SKOR1: variants seen among roughly 807,000 people sequenced by gnomAD.
The protein encoded by SKOR1 is SKI family transcriptional corepressor 1.
Under a neutral mutation model 72.4 loss-of-function variants are expected in SKOR1, and 38 were observed. That is an observed-to-expected ratio of 0.52 (90% CI 0.40 to 0.69). The LOEUF is 0.69. Ranked by LOEUF, SKOR1 falls within the 30% of genes least tolerant of loss-of-function variation. The pLI is 0.00. For synonymous variants in SKOR1, 642 were observed against 599.4 expected, an observed-to-expected ratio of 1.07 and a Z score of -1.04; for missense variants, 1,320 against 1,343.2, an observed-to-expected ratio of 0.98 and a Z score of 0.27.
Position 67,825,843 on chromosome 15 carries a change from G to A in SKOR1, c.108-93G>A. Reference sequence around the variant, plus strand: ...CTCCCCACTGCCAAGTATCCCCCGCGCGCCCAACTCGGAGCGCCCTGCTGG... The same window carrying A: ...CTCCCCACTGCCAAGTATCCCCCGCACGCCCAACTCGGAGCGCCCTGCTGG... On this transcript the variant is annotated intron_variant, in intron 1 of 8. Transcript: ENST00000380035. The surrounding 1 kb of genome is among the most constrained non-coding windows in gnomAD (Gnocchi z 5.6). The A allele has an allele frequency of 2.0e-6, 3 of 1,515,364 alleles. No individual in the cohort carries two copies. The highest frequency in any genetic ancestry group is 2.6e-5 in the South Asian group (2 of 76,434). 93.9% of individuals were successfully genotyped at this position (1,515,364 alleles called of 1,614,324 possible).
rs201807433 is a variant in SKOR1 at position 67,831,906 on chromosome 15, G to C, written c.2588-368G>C. ...TTATATTGAAAGGGCGGCGGTGCGG[G>C]GGGGGGAGGTCGGGGCCGGGGCGGG... On this transcript the variant is annotated intron_variant, in intron 5 of 8. Transcript: ENST00000380035. Among the ~76,000 whole-genome samples the C allele has an allele frequency of 5.8e-3, 515 of 88,568 alleles. 19 individuals are homozygous for C. Among genetic ancestry groups the C allele is most frequent in the African/African-American group, 0.018 (445 of 24,896 alleles). 58.1% of individuals were successfully genotyped at this position (88,568 alleles called of 152,430 possible). A position where few individuals can be genotyped will look rare whatever the true frequency, so the allele number is the denominator to read the frequency against.
In SKOR1 at chr15:67,832,621, C is replaced by A. The variant is rs577995745; in HGVS notation, c.2677C>A (p.Gln893Lys). 3.6e-5 allele frequency: 58 copies of A among 1,613,894 alleles called. 1 individual carries two copies. In the South Asian group the frequency reaches 6.2e-4, roughly 17 times the overall value. ...AATTTGCACAGATAATTTTCAGGATCAAATGAAGAGGGAATTGGCTTATCG... is the reference window on the plus strand; with the variant it reads ...AATTTGCACAGATAATTTTCAGGATAAAATGAAGAGGGAATTGGCTTATCG... ...FQSLKDNFQD[Q>K]MKRELAYREE... Residue 893 changes from glutamine to lysine, a missense_variant, in exon 7 of 9, where the codon CAA becomes AAA. By Grantham distance (53) the Gln-to-Lys change is moderately conservative. Transcript: ENST00000380035. This position sits in a 1 kb window ranked among gnomAD's most constrained non-coding sequence, Gnocchi z 4.5.
At position 67,833,388 on chromosome 15, in the gene SKOR1, T is replaced by G; in HGVS notation, c.2803+131T>G. ...GATCAGGATCTGTGAGGGAGAAAAG[T>G]GGGAACTGATTTTAACGGGAAGATT... is the stretch of plus-strand genomic sequence containing the variant. On this transcript the variant is annotated intron_variant, in intron 8 of 8. Coordinates refer to ENST00000380035, the MANE Select transcript of SKOR1 (RefSeq NM_001365915.1). The surrounding 1 kb of genome is among the most constrained non-coding windows in gnomAD (Gnocchi z 6.0). 1 of 974,872 alleles carries G rather than the reference T, an allele frequency of 1.0e-6. No homozygotes were observed. The highest frequency in any genetic ancestry group is 1.6e-6 in the Non-Finnish European group (1 of 620,514). The allele number at this position is 974,872 out of a possible 1,614,324, so 60.4% of individuals were successfully genotyped here.
In SKOR1 at chr15:67,825,540, C is replaced by T. The variant is rs999900241; in HGVS notation, c.-63C>T. The T allele has an allele frequency of 1.8e-4, 132 of 720,168 alleles. 2 individuals are homozygous for T. The highest frequency in any genetic ancestry group is 1.4e-4 in the Non-Finnish European group (54 of 386,500). 44.6% of individuals were successfully genotyped at this position (720,168 alleles called of 1,614,324 possible). On this transcript the variant is annotated 5_prime_UTR_variant, in exon 1 of 9. Coordinates refer to ENST00000380035, the MANE Select transcript of SKOR1 (RefSeq NM_001365915.1). This position sits in a 1 kb window ranked among gnomAD's most constrained non-coding sequence, Gnocchi z 5.6. ...CGGGCTTCAGGACCCGGGCCGGCAG[C>T]ACCGGCTGCGAGGGTTGCCGAAGGC...
At chr15:67,829,399 T>A in intron 3 of SKOR1, 130 bp downstream of exon 3, 1 of 816,036 alleles carries the variant, frequency 1.2e-6, no homozygotes, top group East Asian at 2.7e-5. Context: ...AGAAAAATAA[T>A]GAAAACAAGG....
rs549463574 is a variant in SKOR1 at position 67,825,870 on chromosome 15, C to A, written c.108-66C>A. The A allele has an allele frequency of 6.6e-7, 1 of 1,510,210 alleles. No individual in the cohort carries two copies. Among genetic ancestry groups the A allele is most frequent in the South Asian group, 1.3e-5 (1 of 75,502 alleles). 93.6% of individuals were successfully genotyped at this position (1,510,210 alleles called of 1,614,324 possible). A position where few individuals can be genotyped will look rare whatever the true frequency, so the allele number is the denominator to read the frequency against. ...GCCCAACTCGGAGCGCCCTGCTGGGCGGGCCCGAGCCTCGGCGGCGGCGCT... is the reference window on the plus strand; with the variant it reads ...GCCCAACTCGGAGCGCCCTGCTGGGAGGGCCCGAGCCTCGGCGGCGGCGCT... On this transcript the variant is annotated intron_variant, in intron 1 of 8. Transcript: ENST00000380035. The surrounding 1 kb of genome is among the most constrained non-coding windows in gnomAD (Gnocchi z 5.6).
At position 67,826,605 on chromosome 15, in the gene SKOR1, A is replaced by C; in HGVS notation, c.777A>C (p.Glu259Asp). ...TCAGTGACAAGTCGGCCACAGACGA[A>C]CTGAGCCATGCTTGGGAGGACGTCA... ...LKLSDKSATD[E>D]LSHAWEDVKA... Residue 259 changes from glutamate (E) to aspartate (D), a missense_variant, in exon 2 of 9, where the codon GAA becomes GAC. Physicochemically the swap from Glu to Asp is conservative, Grantham distance 45 (BLOSUM62 2). Around this residue, in one of 3 missense-constraint regions of SKOR1, gnomAD observed 1,099 missense variants for 1,025.5 expected, o/e 1.07. Transcript: ENST00000380035. 3 of 1,613,872 alleles carry C rather than the reference A, an allele frequency of 1.9e-6. No individual in the cohort carries two copies. The highest frequency in any genetic ancestry group is 2.5e-6 in the Non-Finnish European group (3 of 1,179,952).
intron 5 of SKOR1, among the ~76,000 whole-genome samples, chr15:67,831,401 G>T (rs1308883830): frequency 3.9e-5 from 6 of 152,138 alleles, no homozygotes; most frequent in African/African-American, 4.8e-5. Context: ...GCAGAATGGG[G>T]ATCCCTGTGT....
chr15:67,827,977 C>G lies in SKOR1; in HGVS notation c.2149C>G (p.Pro717Ala). 6.5e-7 allele frequency: 1 copy of G among 1,541,342 alleles called. No homozygotes were observed. The highest frequency in any genetic ancestry group is 8.7e-7 in the Non-Finnish European group (1 of 1,145,820). The change falls in exon 2 of 9, where the codon CCC becomes GCC. Residue 717 changes from proline to alanine, a missense_variant. Around this residue, in one of 3 missense-constraint regions of SKOR1, gnomAD observed 1,099 missense variants for 1,025.5 expected, o/e 1.07. Transcript: ENST00000380035. Reference protein sequence around the residue: ...GPANSPDGGSPRPRRRLGPPP... With the variant: ...GPANSPDGGSARPRRRLGPPP... ...CGCAAACTCTCCCGACGGCGGCAGC[C>G]CCCGCCCCCGGCGCCGCCTCGGGCC...
chr15:67,827,629 G>C lies in SKOR1; in HGVS notation c.1801G>C (p.Asp601His). The change falls in exon 2 of 9, where the codon GAC (aspartate) becomes CAC (histidine). Residue 601 changes from aspartate (D) to histidine (H), a missense_variant. By Grantham distance (81) the Asp-to-His change is moderately conservative. Transcript: ENST00000380035. ...YVSAFRPVVK[D>H]TESIAKLYGS... ...GTCGGCCTTCCGGCCGGTGGTCAAG[G>C]ACACCGAGAGCATCGCTAAGCTCTA... The C allele has an allele frequency of 1.3e-6, 2 of 1,530,490 alleles. No individual in the cohort carries two copies. The highest frequency in any genetic ancestry group is 2.5e-5 in the East Asian group (1 of 40,428). The allele number at this position is 1,530,490 out of a possible 1,614,324, so 94.8% of individuals were successfully genotyped here. A position where few individuals can be genotyped will look rare whatever the true frequency, so the allele number is the denominator to read the frequency against.
Position 67,827,977 on chromosome 15 carries a change from C to A in SKOR1, c.2149C>A (p.Pro717Thr). 1 of 1,541,342 alleles carries A rather than the reference C, an allele frequency of 6.5e-7. No homozygotes were observed. The highest frequency in any genetic ancestry group is 8.7e-7 in the Non-Finnish European group (1 of 1,145,820). Residue 717 changes from proline to threonine, a missense_variant, in exon 2 of 9, where the codon CCC (proline) becomes ACC (threonine). By Grantham distance (38) the Pro-to-Thr change is conservative. This residue lies in a region of SKOR1 where 1,099 missense variants were observed against 1,025.5 expected (regional missense o/e 1.07). Coordinates refer to ENST00000380035, the MANE Select transcript of SKOR1 (RefSeq NM_001365915.1). ...GPANSPDGGS[P>T]RPRRRLGPPP... Reference sequence around the variant, plus strand: ...CGCAAACTCTCCCGACGGCGGCAGCCCCCGCCCCCGGCGCCGCCTCGGGCC... The same window carrying A: ...CGCAAACTCTCCCGACGGCGGCAGCACCCGCCCCCGGCGCCGCCTCGGGCC...
At position 67,833,092 on chromosome 15, in the gene SKOR1, C is replaced by T. The variant is rs1205697341; in HGVS notation, c.2738-100C>T. The stretch of plus-strand genomic sequence containing the variant: ...CCCCATCCCTGGAGTTGTTTCTGCG[C>T]GGAGCTTAGCCCTGGGGAGAGGAGG... On this transcript the variant is annotated intron_variant, in intron 7 of 8. Transcript: ENST00000380035. This position sits in a 1 kb window ranked among gnomAD's most constrained non-coding sequence, Gnocchi z 6.0. The T allele has an allele frequency of 8.7e-6, 11 of 1,263,144 alleles. No individual in the cohort carries two copies. The highest frequency in any genetic ancestry group is 3.7e-5 in the Admixed American group (2 of 53,702). The allele number at this position is 1,263,144 out of a possible 1,614,324, so 78.2% of individuals were successfully genotyped here. A position where few individuals can be genotyped will look rare whatever the true frequency, so the allele number is the denominator to read the frequency against.
Position 67,830,297 on chromosome 15 carries a change from A to G in SKOR1, c.2514A>G (p.Arg838=). 1 of 1,613,940 alleles carries G rather than the reference A, an allele frequency of 6.2e-7. No homozygotes were observed. Among genetic ancestry groups the G allele is most frequent in the Non-Finnish European group, 8.5e-7 (1 of 1,179,842 alleles). The stretch of plus-strand genomic sequence containing the variant: ...AGCCAAGTCCTGCAAATACAGACAG[A>G]GGTGAGCCAGCCCTTGAACCCATCG... ...ISQPSPANTD[R]GEDGLTLDVT... The change falls in exon 4 of 9, where the codon AGA becomes AGG. Residue 838 remains arginine (R), a splice_region_variant and synonymous_variant. Coordinates refer to ENST00000380035, the MANE Select transcript of SKOR1 (RefSeq NM_001365915.1).
rs1489401851 is a variant in SKOR1, at chr15:67,827,458, G to C, written c.1630G>C (p.Glu544Gln). ...CCTGGACGGTGCCGAGCCAGCCAAA[G>C]AGAGTGGCCTCGGCGCGGAGGAGCG... ...EPLDGAEPAK[E>Q]SGLGAEERCP... The change falls in exon 2 of 9, where the codon GAG becomes CAG. Residue 544 changes from glutamate (E) to glutamine (Q), a missense_variant. Around this residue, in one of 3 missense-constraint regions of SKOR1, gnomAD observed 1,099 missense variants for 1,025.5 expected, o/e 1.07. Transcript: ENST00000380035. 2.0e-6 allele frequency: 3 copies of C among 1,522,496 alleles called. No homozygotes were observed. Among genetic ancestry groups the C allele is most frequent in the Admixed American group, 4.0e-5 (2 of 49,792 alleles). The allele number at this position is 1,522,496 out of a possible 1,614,324, so 94.3% of individuals were successfully genotyped here.
chr15:67,829,772 C>A (rs577264663), intron 3 of SKOR1, among the ~76,000 whole-genome samples: 3 of 152,238 alleles, frequency 2.0e-5, no homozygotes, highest in Non-Finnish European at 4.4e-5. Context: ...AGCGGAAAAT[C>A]GGGCAGGTCG....
At position 67,828,090 on chromosome 15, in the gene SKOR1, C is replaced by CGGA; in HGVS notation, c.2264_2265insAGG (p.Gly755dup). On this transcript the variant is annotated inframe_insertion, in exon 2 of 9. Transcript: ENST00000380035. ...AGAGGAGCCCGCCAAGCGGCGGCGG[C>CGGA]GGCTACGAGCTGCGAGAGCCTTGCG... 6.6e-7 allele frequency: 1 copy of CGGA among 1,523,080 alleles called. No individual in the cohort carries two copies. The highest frequency in any genetic ancestry group is 8.8e-7 in the Non-Finnish European group (1 of 1,140,744). 94.3% of individuals were successfully genotyped at this position (1,523,080 alleles called of 1,614,324 possible).
In SKOR1 at chr15:67,831,908, G is replaced by C. The variant is rs934777113; in HGVS notation, c.2588-366G>C. 2.7e-3 allele frequency among the ~76,000 whole-genome samples: 398 copies of C among 148,120 alleles called. 9 individuals carry two copies. In the East Asian group the frequency reaches 0.045, roughly 17 times the overall value. ...ATATTGAAAGGGCGGCGGTGCGGGG[G>C]GGGGAGGTCGGGGCCGGGGCGGGGG... On this transcript the variant is annotated intron_variant, in intron 5 of 8. Transcript: ENST00000380035.
At position 67,827,112 on chromosome 15, in the gene SKOR1, C is replaced by T. The variant is rs1442172142; in HGVS notation, c.1284C>T (p.Gly428=). Residue 428 remains glycine, a synonymous_variant, in exon 2 of 9, where the codon GGC becomes GGT. Coordinates refer to ENST00000380035, the MANE Select transcript of SKOR1 (RefSeq NM_001365915.1). ...AGGGCGGTCCTGGCACTGGGAGCGG[C>T]GGCGGCGGCGCGGGGACAGGCGGGG... ...EPKGGPGTGS[G]GGGAGTGGGA... is the part of the protein sequence containing the mutation. 2.1e-6 allele frequency: 3 copies of T among 1,418,516 alleles called. No individual in the cohort carries two copies. In the East Asian group the frequency reaches 8.1e-5, roughly 38 times the overall value. 87.9% of individuals were successfully genotyped at this position (1,418,516 alleles called of 1,614,324 possible). A position where few individuals can be genotyped will look rare whatever the true frequency, so the allele number is the denominator to read the frequency against.
Position 67,828,134 on chromosome 15 carries a change from C to A in SKOR1, c.2306C>A (p.Ala769Glu), listed in dbSNP as rs377719980. ...CCTTGCGGGCCCCTAGGAGGCCCCG[C>A]GCCGGCCAAGGTGAGCCCCGCGCCC... ...REPCGPLGGP[A>E]PAKVFAPERD... Residue 769 changes from alanine to glutamate, a missense_variant, in exon 2 of 9, where the codon GCG becomes GAG. Ala to Glu is a moderately radical substitution (Grantham distance 107). Coordinates refer to ENST00000380035, the MANE Select transcript of SKOR1 (RefSeq NM_001365915.1). 6.7e-6 allele frequency: 10 copies of A among 1,485,174 alleles called. No individual in the cohort carries two copies. In the South Asian group the frequency reaches 1.0e-4, roughly 15 times the overall value. 92.0% of individuals were successfully genotyped at this position (1,485,174 alleles called of 1,614,324 possible).
Sources: gnomAD v4.1 joint callset for allele counts (sites outside exome capture counted in the v4.1 genomes callset) on GRCh38, gnomAD v4.1.1 for gene constraint, gnomAD v4.1.1 regional missense constraint, Gnocchi (gnomAD v3.1) non-coding constraint, MANE v1.5 for transcripts, NCBI Gene and HGNC (gene_info 2026-07-23, HGNC 2026-07-21) for gene names.